The following PIKFYVE variants were observed in gnomAD, a reference collection of about 807,000 sequenced individuals.
The protein encoded by PIKFYVE is 1-phosphatidylinositol 3-phosphate 5-kinase.
In PIKFYVE, 122 loss-of-function variants were observed where a neutral mutation model predicts 257.9. The observed-to-expected ratio is 0.47, with a 90% CI of 0.41 to 0.55. The LOEUF (loss-of-function observed/expected upper bound fraction) is 0.55, where lower values mean the gene tolerates loss of function less well. Ranked by LOEUF, PIKFYVE falls within the 20% of genes least tolerant of loss-of-function variation. The pLI, the probability that PIKFYVE is intolerant of heterozygous loss-of-function variation, is 0.00. For missense variants in PIKFYVE, 2,160 were observed against 2,536.6 expected (o/e 0.85, Z 3.19); for synonymous variants, 892 against 868.9 (o/e 1.03, Z -0.47).
At chr2:208,282,857 C>T (rs66887797) in intron 5 of PIKFYVE, among the ~76,000 whole-genome samples, 21,539 of 151,964 alleles carry the variant, frequency 0.14, 1,647 homozygotes, top group African/African-American at 0.18. Context: ...GGTTTTAGGA[C>T]GAAACTATTC....
intron 17 of PIKFYVE, among the ~76,000 whole-genome samples, chr2:208,321,001 C>T (rs981643660): frequency 2.0e-5 from 3 of 152,210 alleles, no homozygotes; most frequent in Non-Finnish European, 4.4e-5. Flanking sequence ...CTAGTTGTAG[C>T]GTTGCAATAG....
chr2:208,354,678 A>G (rs562142528), intron 41 of PIKFYVE, 33 bp downstream of exon 41: 7 of 1,536,558 alleles, frequency 4.6e-6, no homozygotes, highest in South Asian at 3.4e-5. Flanking sequence ...AATTGTTCAC[A>G]TGTATTTCTT....
At chr2:208,275,594 C>G (rs935880338) in intron 3 of PIKFYVE, among the ~76,000 whole-genome samples, 2 of 152,120 alleles carry the variant, frequency 1.3e-5, no homozygotes, top group Non-Finnish European at 2.9e-5. Context: ...CCAAAGTTTT[C>G]TAAAATAGGT....
chr2:208,289,060 A>G (rs1215018080), intron 7 of PIKFYVE, among the ~76,000 whole-genome samples: 2 of 152,216 alleles, frequency 1.3e-5, no homozygotes, highest in Non-Finnish European at 2.9e-5. Flanking sequence ...CTTCTGGTTA[A>G]ATAAGACGTG....
Position 208,301,080 on chromosome 2 carries a change from G to T in PIKFYVE, c.1194G>T (p.Gly398=). 1 of 1,614,116 alleles carries T rather than the reference G, an allele frequency of 6.2e-7. No homozygotes were observed. The highest frequency in any genetic ancestry group is 8.5e-7 in the Non-Finnish European group (1 of 1,179,988). ...TAGTCAACTGGCTAATCCGAAATGG[G>T]CATATTGCCACAAGGTATTCTGATC... ...KELVNWLIRN[G]HIATRAQAIA... Residue 398 remains glycine, a synonymous_variant, in exon 9 of 42, where the codon GGG becomes GGT. Transcript: ENST00000264380.
At chr2:208,324,566 A>C (rs1396928796) in intron 18 of PIKFYVE, among the ~76,000 whole-genome samples, 1 of 152,084 alleles carries the variant, frequency 6.6e-6, no homozygotes, top group African/African-American at 2.4e-5. Flanking sequence ...TTTGTTGGAG[A>C]ATTGCTCAAG....
chr2:208,308,122 G>A (rs1384081163), intron 12 of PIKFYVE, among the ~76,000 whole-genome samples: 1 of 152,102 alleles, frequency 6.6e-6, no homozygotes, highest in Non-Finnish European at 1.5e-5. Flanking sequence ...GTTGGGGCAG[G>A]GTGCAGTGGC....
Position 208,326,018 on chromosome 2 carries a change from T to C in PIKFYVE, c.3207T>C (p.Thr1069=), listed in dbSNP as rs1696887431. The change falls in exon 20 of 42, where the codon ACT becomes ACC. Residue 1069 remains threonine, a synonymous_variant. Transcript: ENST00000264380. The part of the protein sequence containing the change: ...VITFREPFLL[T]EKGMRCSTRD... ...CATTCCGAGAACCCTTTCTTTTAACTGAAAAGGGGATGAGATGCTCTACCC... is the reference window on the plus strand; with the variant it reads ...CATTCCGAGAACCCTTTCTTTTAACCGAAAAGGGGATGAGATGCTCTACCC... The C allele has an allele frequency of 1.9e-6, 3 of 1,614,018 alleles. No homozygotes were observed. The highest frequency in any genetic ancestry group is 3.3e-5 in the Admixed American group (2 of 59,996).
At chr2:208,333,258 T>G in intron 23 of PIKFYVE, 57 bp from the exon 24 acceptor site, 1 of 1,565,022 alleles carries the variant, frequency 6.4e-7, no homozygotes, top group South Asian at 1.2e-5. Context: ...AAATGTTATT[T>G]TTTGAAAAAG....
intron 16 of PIKFYVE, among the ~76,000 whole-genome samples, 178 bp from the exon 17 acceptor site, chr2:208,320,071 ATAT>A (rs575198003): frequency 6.6e-6 from 1 of 152,202 alleles, no homozygotes; most frequent in Non-Finnish European, 1.5e-5. Context: ...TGTTCTGAAC[ATAT>A]TATTTGCTTT....
chr2:208,320,737 T>G (rs1203455835), intron 17 of PIKFYVE, among the ~76,000 whole-genome samples: 3 of 152,206 alleles, frequency 2.0e-5, no homozygotes, highest in Non-Finnish European at 4.4e-5. Context: ...GCAAACAGAA[T>G]AATGTCAGAT....
chr2:208,318,021 T>C, intron 16 of PIKFYVE, 80 bp downstream of exon 16: 2 of 1,367,614 alleles, frequency 1.5e-6, no homozygotes, highest in South Asian at 2.3e-5. Context: ...ACCTTAGTTA[T>C]GGAAGAAATG....
intron 17 of PIKFYVE, among the ~76,000 whole-genome samples, chr2:208,323,361 T>G (rs1696530902): frequency 6.8e-6 from 1 of 146,626 alleles, no homozygotes. Flanking sequence ...ACATGTGGTG[T>G]TTGGTTTTTT....
At position 208,325,386 on chromosome 2, in the gene PIKFYVE, A is replaced by G. The variant is rs148158089; in HGVS notation, c.2575A>G (p.Met859Val). Residue 859 changes from methionine (M) to valine (V), a missense_variant, in exon 20 of 42, where the codon ATG becomes GTG. Around this residue, in one of 12 missense-constraint regions of PIKFYVE, gnomAD observed 522 missense variants for 514.6 expected, o/e 1.01. Coordinates refer to ENST00000264380, the MANE Select transcript of PIKFYVE (RefSeq NM_015040.4). ...LARVKEILIF[M>V]ICVAYHSQLE... ...TCGAGTTAAGGAGATCCTAATATTT[A>G]TGATCTGTGTTGCTTATCATTCTCA... is the stretch of plus-strand genomic sequence containing the variant. The G allele has an allele frequency of 1.3e-4, 210 of 1,614,162 alleles. No homozygotes were observed. In the Admixed American group the frequency reaches 3.1e-3, roughly 24 times the overall value.
chr2:208,343,323 G>C (rs1245877138), intron 32 of PIKFYVE, among the ~76,000 whole-genome samples: 1 of 151,944 alleles, frequency 6.6e-6, no homozygotes, highest in Non-Finnish European at 1.5e-5. Context: ...TATCTTTTTT[G>C]TACCATTCAC....
At chr2:208,277,767 T>G (rs1013144609) in intron 5 of PIKFYVE, 59 bp downstream of exon 5, 1 of 1,564,888 alleles carries the variant, frequency 6.4e-7, no homozygotes, top group Admixed American at 1.7e-5. Context: ...AAGACACTTA[T>G]AATACAGGAT....
At chr2:208,313,672 T>C (rs1397927021) in intron 13 of PIKFYVE, among the ~76,000 whole-genome samples, 1 of 151,210 alleles carries the variant, frequency 6.6e-6, no homozygotes, top group Non-Finnish European at 1.5e-5. Context: ...AATCTCTGCC[T>C]CCTAGGTTCA....
chr2:208,332,149 GAAAA>G (rs1697614635), intron 23 of PIKFYVE, among the ~76,000 whole-genome samples: 1 of 152,042 alleles, frequency 6.6e-6, no homozygotes, highest in Admixed American at 6.5e-5. Context: ...CATGATAATA[GAAAA>G]ATGGGCAGAG....
chr2:208,325,744 CATT>C lies in PIKFYVE; in HGVS notation c.2934_2936del (p.Leu980del), dbSNP rs1444947362. ...GCTTTCTTTGCACCTGTACCGGAAT[CATT>C]GTTGCCACTCCCTGTGGATGACCAA... On this transcript the variant is annotated inframe_deletion, in exon 20 of 42. Transcript: ENST00000264380. 2.5e-6 allele frequency: 4 copies of C among 1,613,390 alleles called. No individual in the cohort carries two copies. In the South Asian group the frequency reaches 3.3e-5, roughly 13 times the overall value.
Sources: gnomAD v4.1 joint callset for allele counts (sites outside exome capture counted in the v4.1 genomes callset) on GRCh38, gnomAD v4.1.1 for gene constraint, gnomAD v4.1.1 regional missense constraint, MANE v1.5 for transcripts, NCBI Gene and HGNC (gene_info 2026-07-23, HGNC 2026-07-21) for gene names.